Variants in REPS1 observed in about 807,000 individuals in gnomAD.
REPS1 encodes the protein RALBP1 associated Eps domain containing 1.
A neutral mutation model predicts 100.9 loss-of-function variants in REPS1; 39 were observed. That is an observed-to-expected ratio of 0.39 (90% CI 0.30 to 0.50). The LOEUF is 0.50. REPS1 is among the 20% of genes least tolerant of loss of function. The probability of loss-of-function intolerance (pLI) is 0.86; values close to 1 mark genes in which losing one functional copy is unlikely to be tolerated. For synonymous variants in REPS1, 324 were observed against 340.3 expected (o/e 0.95, Z 0.53); for missense variants, 821 against 968.5 (o/e 0.85, Z 2.02).
chr6:138,935,754 T>G (rs1025221769), intron 8 of REPS1, among the ~76,000 whole-genome samples: 1 of 148,116 alleles, frequency 6.8e-6, no homozygotes, highest in Admixed American at 7.0e-5. Context: ...CTCGGGAGGC[T>G]GAGGCAGGAG....
chr6:138,934,777 T>C (rs1223366547), intron 8 of REPS1, among the ~76,000 whole-genome samples: 1 of 152,200 alleles, frequency 6.6e-6, no homozygotes, highest in Admixed American at 6.5e-5. Flanking sequence ...CAAACAAATC[T>C]AGAAAGTTAT....
At chr6:138,981,687 C>T (rs956384080) in intron 1 of REPS1, among the ~76,000 whole-genome samples, 23 of 152,284 alleles carry the variant, frequency 1.5e-4, no homozygotes, top group African/African-American at 5.3e-4. Flanking sequence ...CACAAAGATA[C>T]TCTCATTTGA....
intron 19 of REPS1, among the ~76,000 whole-genome samples, chr6:138,905,563 T>C (rs1779589752): frequency 6.7e-6 from 1 of 149,782 alleles, no homozygotes; most frequent in Non-Finnish European, 1.5e-5. Context: ...AGTGCTGGGA[T>C]TACAGGCGTG....
At chr6:138,907,364 A>G in intron 19 of REPS1, 131 bp downstream of exon 19, 1 of 537,252 alleles carries the variant, frequency 1.9e-6, no homozygotes, top group Non-Finnish European at 3.4e-6. Flanking sequence ...AACTAACCAC[A>G]GTCAAAGCAT....
chr6:138,917,516 A>G (rs1404678546), intron 13 of REPS1, 39 bp downstream of exon 13: 2 of 1,447,920 alleles, frequency 1.4e-6, no homozygotes, highest in Non-Finnish European at 1.9e-6. Context: ...AAACGCAGCA[A>G]GATAGTTTAA....
At position 138,903,728 on chromosome 6, in the gene REPS1, C is replaced by T. The variant is rs1053525983; in HGVS notation, c.*1336G>A. The T allele has an allele frequency of 1.4e-4, 21 of 152,098 alleles. No homozygotes were observed. Among genetic ancestry groups the T allele is most frequent in the South Asian group, 6.2e-4 (3 of 4,828 alleles). 9.4% of individuals were successfully genotyped at this position (152,098 alleles called of 1,614,324 possible). ...TGAGTAGTTTCCTGGGCCTTTAATGCTTTAAATTTATTATTTAACAACTAA... is the reference window on the plus strand; with the variant it reads ...TGAGTAGTTTCCTGGGCCTTTAATGTTTTAAATTTATTATTTAACAACTAA... On this transcript the variant is annotated 3_prime_UTR_variant, in exon 20 of 20. Transcript: ENST00000450536.
intron 9 of REPS1, chr6:138,928,789 T>A (rs77187470): frequency 2.7e-5 from 4 of 149,544 alleles, no homozygotes; most frequent in Non-Finnish European, 5.9e-5. Context: ...GCAAAAATAG[T>A]AGTGTCTCAA....
intron 10 of REPS1, among the ~76,000 whole-genome samples, chr6:138,922,461 G>A (rs1420327517): frequency 1.3e-5 from 2 of 152,034 alleles, no homozygotes; most frequent in Non-Finnish European, 2.9e-5. Context: ...GAGGACTAAA[G>A]GAATTGATAA....
chr6:138,934,234 T>C (rs1781661534), intron 8 of REPS1: 1 of 443,872 alleles, frequency 2.3e-6, no homozygotes, highest in Non-Finnish European at 4.8e-6. Context: ...CCTGATGCAG[T>C]GTTCCAACCT....
chr6:138,987,070 C>T (rs1176534566), intron 1 of REPS1, among the ~76,000 whole-genome samples: 1 of 152,106 alleles, frequency 6.6e-6, no homozygotes, highest in Non-Finnish European at 1.5e-5. Flanking sequence ...AAAACTGCTT[C>T]TTCGATTCCT....
At chr6:138,966,813 C>T (rs1445298553) in intron 1 of REPS1, among the ~76,000 whole-genome samples, 1 of 152,186 alleles carries the variant, frequency 6.6e-6, no homozygotes, top group East Asian at 1.9e-4. Flanking sequence ...AATTTTATCT[C>T]TAAGGTCCCT....
At chr6:138,954,468 A>G (rs2128486371) in intron 1 of REPS1, among the ~76,000 whole-genome samples, 1 of 151,818 alleles carries the variant, frequency 6.6e-6, no homozygotes, top group South Asian at 2.1e-4. Flanking sequence ...GGCCACATAT[A>G]AAATACACTA....
chr6:138,915,961 C>T lies in REPS1; in HGVS notation c.1617G>A (p.Thr539=), dbSNP rs577128508. Residue 539 remains threonine, a synonymous_variant, in exon 14 of 20, where the codon ACG becomes ACA. Coordinates refer to ENST00000450536, the MANE Select transcript of REPS1 (RefSeq NM_001286611.2). The stretch of plus-strand genomic sequence containing the variant: ...GTGGTGGTGCAGTGTTATCAGGCGA[C>T]GTTCCTGAATGAGACCTGCAAAATT... ...NVTRQRSHSG[T]SPDNTAPPPP... is the part of the protein sequence containing the mutation. The T allele has an allele frequency of 5.0e-6, 8 of 1,613,358 alleles. No homozygotes were observed. The highest frequency in any genetic ancestry group is 5.1e-6 in the Non-Finnish European group (6 of 1,179,496).
chr6:138,944,150 ACAGT>A (rs1302261822), intron 5 of REPS1, 135 bp from the exon 6 acceptor site: 2 of 766,476 alleles, frequency 2.6e-6, no homozygotes, highest in African/African-American at 1.8e-5. Flanking sequence ...CACATCTGTT[ACAGT>A]CAGATTATTG....
At chr6:138,986,843 A>G (rs903256304) in intron 1 of REPS1, among the ~76,000 whole-genome samples, 1 of 152,196 alleles carries the variant, frequency 6.6e-6, no homozygotes, top group African/African-American at 2.4e-5. Context: ...GATTAGGGCA[A>G]ATAACGCACT....
intron 16 of REPS1, 182 bp downstream of exon 16, chr6:138,912,583 C>T (rs1161343886): frequency 3.2e-6 from 2 of 629,510 alleles, no homozygotes; most frequent in African/African-American, 3.7e-5. Context: ...CCACCAGACT[C>T]TGATACTTAG....
chr6:138,961,995 A>G (rs1042424370), intron 1 of REPS1, among the ~76,000 whole-genome samples: 1 of 152,222 alleles, frequency 6.6e-6, no homozygotes, highest in African/African-American at 2.4e-5. Context: ...TGACACCATG[A>G]AGAGATTTTT....
At chr6:138,932,751 C>A (rs1036342598) in intron 8 of REPS1, among the ~76,000 whole-genome samples, 1 of 152,142 alleles carries the variant, frequency 6.6e-6, no homozygotes, top group African/African-American at 2.4e-5. Context: ...TATAATAATT[C>A]GGACTTGGGT....
At chr6:138,953,081 C>T (rs1783146909) in intron 1 of REPS1, among the ~76,000 whole-genome samples, 1 of 152,058 alleles carries the variant, frequency 6.6e-6, no homozygotes, top group African/African-American at 2.4e-5. Context: ...AAGTGATCTG[C>T]CCGCCTCAGC....
Sources: gnomAD v4.1 joint callset for allele counts (sites outside exome capture counted in the v4.1 genomes callset) on GRCh38, gnomAD v4.1.1 for gene constraint, MANE v1.5 for transcripts, NCBI Gene and HGNC (gene_info 2026-07-23, HGNC 2026-07-21) for gene names.